The following VSIG1 variants were observed in gnomAD, a reference collection of about 807,000 sequenced individuals.
The protein encoded by VSIG1 is V-set and immunoglobulin domain containing 1.
Under a neutral mutation model 20.1 loss-of-function variants are expected in VSIG1, and 11 were observed. That is an observed-to-expected ratio of 0.55 (90% confidence interval 0.34 to 0.91). VSIG1 has a LOEUF of 0.91. Ranked by LOEUF, VSIG1 falls within the 40% of genes least tolerant of loss-of-function variation. The pLI is 0.02. For missense variants in VSIG1, 283 were observed against 298.8 expected (o/e 0.95, Z 0.39); for synonymous variants, 126 against 116.7 (o/e 1.08, Z -0.52).
chrX:108,043,496 G>A (rs910497121), upstream of VSIG1, among the ~76,000 whole-genome samples: 1 of 112,309 alleles, frequency 8.9e-6, no homozygotes, highest in African/African-American at 3.2e-5. Context: ...ATGGTCAGCT[G>A]TAGGATATTG....
chrX:108,047,963 T>TAC (rs2030683000), intron 1 of VSIG1, among the ~76,000 whole-genome samples: 1 of 7,951 alleles, frequency 1.3e-4, no homozygotes, highest in African/African-American at 4.2e-4. Context: ...TACACACACA[T>TAC]ATATATATAT....
At chrX:108,037,804 CCTA>C in the VSIG1 span, among the ~76,000 whole-genome samples, 6 of 112,425 alleles carry the variant, frequency 5.3e-5, no homozygotes, top group African/African-American at 1.6e-4. Context: ...GACTGAAATT[CCTA>C]CTTTCTTGAA....
intron 2 of VSIG1, among the ~76,000 whole-genome samples, chrX:108,064,023 C>T (rs899407300): frequency 8.9e-6 from 1 of 112,501 alleles, no homozygotes; most frequent in Admixed American, 9.4e-5. Context: ...CAGGCTTTGG[C>T]CACTGTTCAG....
chrX:108,022,407 A>C, the VSIG1 span, among the ~76,000 whole-genome samples: 8 of 112,053 alleles, frequency 7.1e-5, no homozygotes, highest in Non-Finnish European at 1.1e-4. Flanking sequence ...TATATCCCGC[A>C]ACTTCACTGG....
intron 1 of VSIG1, among the ~76,000 whole-genome samples, chrX:108,051,751 A>G (rs812080): frequency 0.046 from 5,140 of 111,382 alleles, 318 homozygotes; most frequent in African/African-American, 0.16. Context: ...TTATCTTAAA[A>G]CAAATAAAGA....
chrX:108,059,558 A>T (rs1004859817), intron 2 of VSIG1, among the ~76,000 whole-genome samples: 1 of 112,131 alleles, frequency 8.9e-6, no homozygotes, highest in South Asian at 3.7e-4. Context: ...TGTAAGTTTT[A>T]TCCCTTGTAA....
chrX:108,070,213 GTTTTTTC>G (rs957724613), intron 3 of VSIG1, among the ~76,000 whole-genome samples: 1 of 112,117 alleles, frequency 8.9e-6, no homozygotes, highest in Non-Finnish European at 1.9e-5. Context: ...GAAGCACTTT[GTTTTTTC>G]TTTTTTCTTT....
the VSIG1 span, among the ~76,000 whole-genome samples, chrX:108,028,106 C>T: frequency 9.0e-6 from 1 of 111,339 alleles, no homozygotes; most frequent in Non-Finnish European, 1.9e-5. Flanking sequence ...ATTCATGTCA[C>T]TGAGGGTGCC....
In VSIG1 at chrX:108,076,059, G is replaced by C. The variant is rs1264082976; in HGVS notation, c.689-18G>C. ...ACAATATATTCCACTTTATTAACCA[G>C]CTGCTTGTATCCTTCAGATCCAGAA... On this transcript the variant is annotated intron_variant, in intron 5 of 6. Transcript: ENST00000217957. 8.3e-7 allele frequency: 1 copy of C among 1,206,524 alleles called. No individual in the cohort carries two copies. The highest frequency in any genetic ancestry group is 1.1e-6 in the Non-Finnish European group (1 of 893,730).
intron 2 of VSIG1, among the ~76,000 whole-genome samples, chrX:108,060,809 C>G (rs2031004042): frequency 1.8e-5 from 2 of 112,395 alleles, no homozygotes; most frequent in African/African-American, 6.5e-5. Flanking sequence ...ACTACGAAGC[C>G]TTCTACCCAG....
At chrX:108,072,331 C>A (rs2031265489) in intron 3 of VSIG1, among the ~76,000 whole-genome samples, 1 of 111,283 alleles carries the variant, frequency 9.0e-6, no homozygotes, top group African/African-American at 3.3e-5. Flanking sequence ...TGGCTTACTG[C>A]AACCTCTGCC....
At position 108,058,041 on chromosome X, in the gene VSIG1, A is replaced by G; in HGVS notation, c.53A>G (p.Gln18Arg). 1 of 1,200,801 alleles carries G rather than the reference A, an allele frequency of 8.3e-7. No individual in the cohort carries two copies. Among genetic ancestry groups the G allele is most frequent in the Non-Finnish European group, 1.1e-6 (1 of 891,063 alleles). The change falls in exon 2 of 7, where the codon CAG (glutamine) becomes CGG (arginine). Residue 18 changes from glutamine to arginine, a missense_variant. By Grantham distance (43) the Gln-to-Arg change is conservative. Coordinates refer to ENST00000217957, the MANE Select transcript of VSIG1 (RefSeq NM_182607.5). ...VFLILSCLAGQVSVVQVTIPD... is the reference protein window; with the variant it reads ...VFLILSCLAGRVSVVQVTIPD... ...TTTTTTATGATTATCTTTTCAGGTC[A>G]GGTTAGTGTGGTGCAAGTGACCATC...
intron 3 of VSIG1, among the ~76,000 whole-genome samples, chrX:108,072,081 G>A (rs1184414442): frequency 9.1e-6 from 1 of 109,458 alleles, no homozygotes; most frequent in African/African-American, 3.3e-5. Context: ...TTTAATAAAG[G>A]CATATTTTAA....
the VSIG1 span, among the ~76,000 whole-genome samples, chrX:108,026,820 C>T: frequency 9.0e-6 from 1 of 111,677 alleles, no homozygotes; most frequent in South Asian, 3.8e-4. Context: ...TCAAGTTAAA[C>T]AATCATGAGA....
At chrX:108,042,270 G>A (rs1215090657), upstream of VSIG1, among the ~76,000 whole-genome samples, 2 of 111,599 alleles carry the variant, frequency 1.8e-5, no homozygotes, top group African/African-American at 6.5e-5. Flanking sequence ...AGATTTTGGT[G>A]CAGATGGGTT....
rs202091073 is a variant in VSIG1 at position 108,077,023 on chromosome X, C to T, written c.831-25C>T. 1.9e-4 allele frequency: 223 copies of T among 1,179,757 alleles called. No homozygotes were observed. The East Asian group carries it at 6.6e-3, about 35-fold the overall frequency. ...AAAGTTAGCATCTCCCTAACTTGTT[C>T]TTTTCTGGGCCTTCTTTCTTGCAGG... On this transcript the variant is annotated intron_variant, in intron 6 of 6. Coordinates refer to ENST00000217957, the MANE Select transcript of VSIG1 (RefSeq NM_182607.5).
At position 108,077,515 on chromosome X, in the gene VSIG1, A is replaced by G. The variant is rs2147938078; in HGVS notation, c.*134A>G. ...TTCTAACAAGGTGCTCATTCCTACT[A>G]TGAATCCAGAATAAACACGCCAAGA... is the stretch of plus-strand genomic sequence containing the variant. On this transcript the variant is annotated 3_prime_UTR_variant, in exon 7 of 7. Coordinates refer to ENST00000217957, the MANE Select transcript of VSIG1 (RefSeq NM_182607.5). 8 of 746,797 alleles carry G rather than the reference A, an allele frequency of 1.1e-5. No homozygotes were observed. In the South Asian group the frequency reaches 2.0e-4, roughly 19 times the overall value. The allele number at this position is 746,797 out of a possible 1,213,427, so 61.5% of individuals were successfully genotyped here.
the VSIG1 span, among the ~76,000 whole-genome samples, chrX:108,023,971 T>G: frequency 6.3e-4 from 70 of 111,463 alleles, 1 homozygote; most frequent in East Asian, 0.019. Flanking sequence ...AAATGTGGCT[T>G]GATATGTGAG....
At chrX:108,068,025 G>A (rs1466071171) in intron 3 of VSIG1, among the ~76,000 whole-genome samples, 1 of 112,302 alleles carries the variant, frequency 8.9e-6, no homozygotes, top group African/African-American at 3.2e-5. Flanking sequence ...TCACAAGAAA[G>A]GAGGAACTAC....
Sources: gnomAD v4.1 joint callset for allele counts (sites outside exome capture counted in the v4.1 genomes callset) on GRCh38, gnomAD v4.1.1 for gene constraint, MANE v1.5 for transcripts, NCBI Gene and HGNC (gene_info 2026-07-23, HGNC 2026-07-21) for gene names.